COL23A1: variants seen among roughly 807,000 people sequenced by gnomAD.
COL23A1 encodes the protein collagen type XXIII alpha 1 chain.
A neutral mutation model predicts 99.3 loss-of-function variants in COL23A1; 97 were observed. The ratio of observed to expected loss-of-function variants is 0.98; its 90% CI spans 0.83 to 1.16. The LOEUF is 1.16. Ranked by LOEUF, COL23A1 falls within the 50% of genes most tolerant of loss-of-function variation. COL23A1 has a pLI of 0.00. For synonymous variants in COL23A1, 320 were observed against 308.2 expected, an observed-to-expected ratio of 1.04 and a Z score of -0.40; for missense variants, 762 against 757.4, an observed-to-expected ratio of 1.01 and a Z score of -0.07.
chr5:178,545,177 G>A (rs1761513457), intron 2 of COL23A1, among the ~76,000 whole-genome samples: 1 of 152,082 alleles, frequency 6.6e-6, no homozygotes, highest in Admixed American at 6.5e-5. Flanking sequence ...TCTAGTTCCT[G>A]ATGGGGGAGG....
At chr5:178,377,028 A>G (rs1426686569) in intron 2 of COL23A1, among the ~76,000 whole-genome samples, 1 of 152,194 alleles carries the variant, frequency 6.6e-6, no homozygotes, top group Non-Finnish European at 1.5e-5. Flanking sequence ...TGAAGGGGTC[A>G]CCGGCTGGAG....
chr5:178,422,012 G>C (rs777772324), intron 2 of COL23A1, among the ~76,000 whole-genome samples: 1 of 152,234 alleles, frequency 6.6e-6, no homozygotes, highest in Non-Finnish European at 1.5e-5. Flanking sequence ...CATGGGTCAT[G>C]TCGGACATGC....
At chr5:178,520,439 C>T (rs913052548) in intron 2 of COL23A1, among the ~76,000 whole-genome samples, 1 of 152,170 alleles carries the variant, frequency 6.6e-6, no homozygotes, top group Non-Finnish European at 1.5e-5. Flanking sequence ...GCTACTAAGG[C>T]CAAAGGACAA....
At chr5:178,466,387 C>T (rs544710986) in intron 2 of COL23A1, among the ~76,000 whole-genome samples, 16 of 152,254 alleles carry the variant, frequency 1.1e-4, no homozygotes, top group African/African-American at 3.4e-4. Flanking sequence ...TTCTTAAAGC[C>T]GTCACAAAAG....
intron 2 of COL23A1, among the ~76,000 whole-genome samples, chr5:178,466,247 G>C (rs7706759): frequency 6.6e-6 from 1 of 152,028 alleles, no homozygotes. Context: ...GACAGGACCT[G>C]TGGGGGTGGT....
chr5:178,297,388 G>A (rs960089850), intron 3 of COL23A1, among the ~76,000 whole-genome samples: 1 of 152,120 alleles, frequency 6.6e-6, no homozygotes, highest in Non-Finnish European at 1.5e-5. Flanking sequence ...TGTGGTGGTG[G>A]GCATCTGTAA....
chr5:178,268,055 G>A (rs1756004790), intron 7 of COL23A1, among the ~76,000 whole-genome samples: 1 of 152,216 alleles, frequency 6.6e-6, no homozygotes, highest in Non-Finnish European at 1.5e-5. Context: ...TGGTGGTTGG[G>A]CGGGAACCCT....
chr5:178,580,887 T>C (rs933517574), intron 1 of COL23A1, among the ~76,000 whole-genome samples: 3 of 152,096 alleles, frequency 2.0e-5, no homozygotes, highest in Non-Finnish European at 4.4e-5. Context: ...TGCTCACCTG[T>C]AGTCCCAGAT....
At chr5:178,458,826 G>A (rs1162248730) in intron 2 of COL23A1, among the ~76,000 whole-genome samples, 1 of 152,082 alleles carries the variant, frequency 6.6e-6, no homozygotes, top group East Asian at 1.9e-4. Context: ...CCTGTGGGGC[G>A]TGCACCCCAC....
At chr5:178,246,715 T>G (rs1252706216) in intron 22 of COL23A1, among the ~76,000 whole-genome samples, 1 of 52,292 alleles carries the variant, frequency 1.9e-5, no homozygotes, top group African/African-American at 8.2e-5. Flanking sequence ...GGAAAGCAGG[T>G]GCAGACGGGG....
chr5:178,472,640 T>TA (rs1756817966), intron 2 of COL23A1, among the ~76,000 whole-genome samples: 1 of 152,050 alleles, frequency 6.6e-6, no homozygotes, highest in Non-Finnish European at 1.5e-5. Flanking sequence ...CCCTTAAAGG[T>TA]AAGTGTTAGT....
chr5:178,328,705 A>T (rs1178815791), intron 2 of COL23A1, among the ~76,000 whole-genome samples: 1 of 152,200 alleles, frequency 6.6e-6, no homozygotes, highest in Non-Finnish European at 1.5e-5. Flanking sequence ...TACTCGAAAA[A>T]AAAGATGACA....
At chr5:178,238,949 C>G (rs1346997242) in intron 28 of COL23A1, among the ~76,000 whole-genome samples, 192 bp downstream of exon 28, 1 of 152,182 alleles carries the variant, frequency 6.6e-6, no homozygotes, top group Non-Finnish European at 1.5e-5. Context: ...GGACCACAGC[C>G]CCACGCCTCA....
intron 1 of COL23A1, among the ~76,000 whole-genome samples, chr5:178,586,852 C>T (rs1438918293): frequency 6.6e-6 from 1 of 152,160 alleles, no homozygotes; most frequent in African/African-American, 2.4e-5. Flanking sequence ...GAAAAATCTC[C>T]ATTTGACTCT....
At chr5:178,571,319 A>ATG (rs1562100386) in intron 1 of COL23A1, among the ~76,000 whole-genome samples, 3 of 152,058 alleles carry the variant, frequency 2.0e-5, no homozygotes, top group East Asian at 1.9e-4. Flanking sequence ...CCAAGATCGC[A>ATG]CCACTGCACT....
chr5:178,355,791 T>A (rs533695956), intron 2 of COL23A1, among the ~76,000 whole-genome samples: 20 of 150,522 alleles, frequency 1.3e-4, no homozygotes, highest in Admixed American at 2.6e-4. Context: ...TTTTTCTGAA[T>A]TTTTTTTGAT....
At position 178,280,209 on chromosome 5, in the gene COL23A1, C is replaced by T. The variant is rs548096625; in HGVS notation, c.441+8115G>A. On this transcript the variant is annotated intron_variant, in intron 5 of 28. Coordinates refer to ENST00000390654, the MANE Select transcript of COL23A1 (RefSeq NM_173465.4). The surrounding 1 kb of genome is among the most constrained non-coding windows in gnomAD (Gnocchi z 4.9). ...GACTCTTGCGCTGGACTCCCGCCCT[C>T]GGGCCACAGCCTGGGCGATCAGCCA... is the stretch of plus-strand genomic sequence containing the variant. Among the ~76,000 whole-genome samples, 2 of 152,366 alleles carry T rather than the reference C, an allele frequency of 1.3e-5. No individual in the cohort carries two copies. Among genetic ancestry groups the T allele is most frequent in the East Asian group, 1.9e-4 (1 of 5,174 alleles).
Position 178,310,435 on chromosome 5 carries a change from G to A in COL23A1, c.362-3516C>T, listed in dbSNP as rs1021170859. 2.2e-4 allele frequency among the ~76,000 whole-genome samples: 33 copies of A among 152,340 alleles called. No homozygotes were observed. The highest frequency in any genetic ancestry group is 1.1e-3 in the Admixed American group (17 of 15,312). ...TTTTCCTCCAGGACTCCCTGTGCCC[G>A]CCCCGCAGGCTCACCTTCTGCCTCG... On this transcript the variant is annotated intron_variant, in intron 2 of 28. Coordinates refer to ENST00000390654, the MANE Select transcript of COL23A1 (RefSeq NM_173465.4). This position sits in a 1 kb window ranked among gnomAD's most constrained non-coding sequence, Gnocchi z 4.3.
intron 1 of COL23A1, among the ~76,000 whole-genome samples, chr5:178,567,674 T>C (rs1762901368): frequency 6.6e-6 from 1 of 152,156 alleles, no homozygotes; most frequent in Non-Finnish European, 1.5e-5. Flanking sequence ...GAGGTTGCAG[T>C]GAGCAGAGAT....
Sources: gnomAD v4.1 joint callset for allele counts (sites outside exome capture counted in the v4.1 genomes callset) on GRCh38, gnomAD v4.1.1 for gene constraint, Gnocchi (gnomAD v3.1) non-coding constraint, MANE v1.5 for transcripts, NCBI Gene and HGNC (gene_info 2026-07-23, HGNC 2026-07-21) for gene names.